The following EMC3 variants were observed in gnomAD, a reference collection of about 807,000 sequenced individuals.
EMC3 encodes the protein ER membrane protein complex subunit 3.
EMC3 carries 13 observed loss-of-function variants against 36.6 expected under a neutral mutation model. The observed-to-expected ratio is 0.35, with a 90% CI of 0.23 to 0.56. The LOEUF is 0.56. Among genes scored for constraint, EMC3 ranks in the 20% least tolerant of loss-of-function variants. EMC3 has a pLI of 0.84. For synonymous variants in EMC3, 120 were observed against 111.9 expected (o/e 1.07, Z -0.46); for missense variants, 220 against 324.5 (o/e 0.68, Z 2.47).
intron 1 of EMC3, among the ~76,000 whole-genome samples, chr3:9,979,470 T>G (rs148400511): frequency 6.6e-6 from 1 of 152,342 alleles, no homozygotes; most frequent in Non-Finnish European, 1.5e-5. Context: ...CCTCTGCCAC[T>G]TATTAGCCAT....
intron 1 of EMC3, among the ~76,000 whole-genome samples, chr3:10,001,307 T>A (rs774990857): frequency 1.3e-5 from 2 of 151,510 alleles, no homozygotes; most frequent in Admixed American, 6.6e-5. Context: ...CACGCCTGTA[T>A]TCCCAGCACT....
chr3:9,964,994 T>A (rs2085722085), intron 7 of EMC3, among the ~76,000 whole-genome samples: 1 of 152,012 alleles, frequency 6.6e-6, no homozygotes, highest in Non-Finnish European at 1.5e-5. Flanking sequence ...TCCCAGCTAC[T>A]CTGGAGGCTG....
rs759605347 is a variant in EMC3 at position 9,964,077 on chromosome 3, T to TA, written c.777dup (p.Ile260TyrfsTer19). 1.2e-6 allele frequency: 2 copies of TA among 1,614,110 alleles called. No individual in the cohort carries two copies. Among genetic ancestry groups the TA allele is most frequent in the Non-Finnish European group, 1.7e-6 (2 of 1,180,012 alleles). On this transcript the variant is annotated frameshift_variant, in exon 8 of 8. Coordinates refer to ENST00000245046, the MANE Select transcript of EMC3 (RefSeq NM_001394674.1). LOFTEE classifies it high-confidence loss of function. ...TAATCCCTGCTCGGTCTTCAAAAAATAGAGGTCTGTAATTCCTTTTTGAAC... is the reference window on the plus strand; with the variant it reads ...TAATCCCTGCTCGGTCTTCAAAAAATAAGAGGTCTGTAATTCCTTTTTGAAC...
intron 1 of EMC3, among the ~76,000 whole-genome samples, chr3:9,998,151 G>C (rs2124933336): frequency 1.3e-5 from 2 of 151,980 alleles, no homozygotes; most frequent in African/African-American, 4.8e-5. Flanking sequence ...CAGATCACGA[G>C]GTCAGGAGAT....
At chr3:9,986,941 C>A, upstream of EMC3, 3 of 1,211,254 alleles carry the variant, frequency 2.5e-6, no homozygotes, top group Non-Finnish European at 3.1e-6. Context: ...GTGGCCCAGG[C>A]TCGGTGGCTC....
chr3:9,986,767 C>A lies in EMC3; in HGVS notation c.-106G>T. 1 of 1,536,706 alleles carries A rather than the reference C, an allele frequency of 6.5e-7. No homozygotes were observed. The highest frequency in any genetic ancestry group is 1.3e-5 in the South Asian group (1 of 79,908). On this transcript the variant is annotated 5_prime_UTR_variant, in exon 1 of 8. Transcript: ENST00000245046. ...TCCGGGCCTTCTCAAGCCCCTTTGC[C>A]CGTGTACCCCAGAACTCTCCTGCGA... is the stretch of plus-strand genomic sequence containing the variant.
intron 1 of EMC3, among the ~76,000 whole-genome samples, chr3:9,999,689 T>A (rs1373602326): frequency 6.6e-6 from 1 of 152,252 alleles, no homozygotes; most frequent in African/African-American, 2.4e-5. Context: ...AGCAGTTTTA[T>A]GTTTTCGAAT....
Position 9,963,661 on chromosome 3 carries a change from A to G in EMC3, c.*408T>C, listed in dbSNP as rs2085710480. ...GCTAATTTTTTTTTGTATTTTTAGT[A>G]GAGATGGGGTTTCACCATCTTGGCC... On this transcript the variant is annotated 3_prime_UTR_variant, in exon 8 of 8. Coordinates refer to ENST00000245046, the MANE Select transcript of EMC3 (RefSeq NM_001394674.1). The G allele has an allele frequency of 6.5e-6, 1 of 154,116 alleles. No individual in the cohort carries two copies. The highest frequency in any genetic ancestry group is 1.4e-5 in the Non-Finnish European group (1 of 69,726). 9.5% of individuals were successfully genotyped at this position (154,116 alleles called of 1,614,324 possible).
upstream of EMC3, chr3:9,987,891 A>G (rs934309351): frequency 8.9e-6 from 8 of 898,678 alleles, no homozygotes; most frequent in African/African-American, 6.6e-5. Context: ...CATAGCTAAT[A>G]TTAACTTTCT....
intron 1 of EMC3, chr3:9,978,337 C>T (rs533976973): frequency 1.3e-5 from 2 of 151,162 alleles, no homozygotes; most frequent in Non-Finnish European, 1.5e-5. Flanking sequence ...CTGTCTCTAA[C>T]AACAAAAAAA....
intron 1 of EMC3, among the ~76,000 whole-genome samples, chr3:9,984,521 C>G (rs1330253781): frequency 6.6e-6 from 1 of 151,894 alleles, no homozygotes; most frequent in African/African-American, 2.4e-5. Context: ...TCCCGAGTAG[C>G]TGGGACTACA....
At chr3:9,979,051 C>A (rs141614214) in intron 1 of EMC3, among the ~76,000 whole-genome samples, 3 of 152,200 alleles carry the variant, frequency 2.0e-5, no homozygotes, top group African/African-American at 7.2e-5. Context: ...AGCATCTCCA[C>A]GAAGCTTTTC....
At chr3:9,995,124 G>A (rs2086107513) in intron 1 of EMC3, among the ~76,000 whole-genome samples, 2 of 152,160 alleles carry the variant, frequency 1.3e-5, no homozygotes, top group African/African-American at 2.4e-5. Context: ...TATGACTTAT[G>A]GAGTGACGGT....
At chr3:9,967,908 T>G (rs1453166484) in intron 7 of EMC3, among the ~76,000 whole-genome samples, 1 of 152,274 alleles carries the variant, frequency 6.6e-6, no homozygotes, top group Non-Finnish European at 1.5e-5. Flanking sequence ...GTATGTCGGT[T>G]TAAATCTAAC....
At chr3:9,977,304 T>G in intron 2 of EMC3, 85 bp downstream of exon 2, 1 of 1,321,168 alleles carries the variant, frequency 7.6e-7, no homozygotes, top group Non-Finnish European at 1.0e-6. Context: ...CCTTTAGCTT[T>G]CCCCAGAGCC....
chr3:9,969,267 C>T, intron 7 of EMC3: 4 of 1,032,052 alleles, frequency 3.9e-6, no homozygotes, highest in Non-Finnish European at 4.8e-6. Flanking sequence ...GCCGGAACTT[C>T]CCTTCTCTTT....
At chr3:9,984,417 T>C in intron 1 of EMC3, among the ~76,000 whole-genome samples, 1 of 149,458 alleles carries the variant, frequency 6.7e-6, no homozygotes, top group Non-Finnish European at 1.5e-5. Flanking sequence ...TGAGACAGAG[T>C]CTTGCTCTGT....
intron 1 of EMC3, among the ~76,000 whole-genome samples, chr3:10,002,085 C>T (rs2086208306): frequency 6.6e-6 from 1 of 151,948 alleles, no homozygotes; most frequent in Non-Finnish European, 1.5e-5. Flanking sequence ...TTTGGGGGTC[C>T]CTTGAAATTC....
chr3:9,984,139 T>C (rs1043746926), intron 1 of EMC3, among the ~76,000 whole-genome samples: 2 of 151,794 alleles, frequency 1.3e-5, no homozygotes, highest in Non-Finnish European at 2.9e-5. Context: ...TGGAGTGCAG[T>C]GGCATGATCT....
Sources: allele counts gnomAD v4.1 joint callset (sites outside exome capture counted in the v4.1 genomes callset), GRCh38; gene constraint gnomAD v4.1.1; transcripts MANE v1.5; gene names NCBI Gene and HGNC (gene_info 2026-07-23, HGNC 2026-07-21).